The following IKZF2 variants were observed in gnomAD, a reference collection of about 807,000 sequenced individuals.
IKZF2 encodes the protein IKAROS family zinc finger 2.
IKZF2 carries 15 observed loss-of-function variants against 49.2 expected under a neutral mutation model. The observed-to-expected ratio is 0.30, with a 90% CI of 0.20 to 0.47. The LOEUF (loss-of-function observed/expected upper bound fraction) is 0.47, where lower values mean the gene tolerates loss of function less well. Among genes scored for constraint, IKZF2 ranks in the 20% least tolerant of loss-of-function variants. The pLI, the probability that IKZF2 is intolerant of heterozygous loss-of-function variation, is 1.00. For synonymous variants in IKZF2, 227 were observed against 221.4 expected, an observed-to-expected ratio of 1.03 and a Z score of -0.23; for missense variants, 567 against 664.6, an observed-to-expected ratio of 0.85 and a Z score of 1.61.
intron 5 of IKZF2, among the ~76,000 whole-genome samples, chr2:213,054,137 T>G (rs1700931043): frequency 6.6e-6 from 1 of 151,754 alleles, no homozygotes; most frequent in African/African-American, 2.4e-5. Flanking sequence ...CCAGCTACTT[T>G]GGAGGCTGAG....
chr2:213,097,432 A>AT (rs1419812251), intron 4 of IKZF2, among the ~76,000 whole-genome samples: 4 of 151,982 alleles, frequency 2.6e-5, no homozygotes, highest in Non-Finnish European at 5.9e-5. Flanking sequence ...TCTCTGGGCT[A>AT]TTTTTTCCCC....
chr2:213,089,510 A>T (rs1243179318), intron 4 of IKZF2, among the ~76,000 whole-genome samples: 3 of 152,076 alleles, frequency 2.0e-5, no homozygotes, highest in Non-Finnish European at 2.9e-5. Context: ...CTGTAACCAA[A>T]CCAAACTGGT....
intron 4 of IKZF2, among the ~76,000 whole-genome samples, chr2:213,136,709 T>C (rs986428248): frequency 1.3e-5 from 2 of 152,196 alleles, no homozygotes; most frequent in Non-Finnish European, 2.9e-5. Flanking sequence ...ATTTATTTTT[T>C]GTAAGAGACT....
intron 4 of IKZF2, among the ~76,000 whole-genome samples, chr2:213,120,510 A>C (rs1237824998): frequency 6.6e-6 from 1 of 152,234 alleles, no homozygotes; most frequent in African/African-American, 2.4e-5. Context: ...TCAGGAGATG[A>C]AGACAAAAAG....
intron 4 of IKZF2, among the ~76,000 whole-genome samples, chr2:213,059,116 T>C (rs1053794539): frequency 6.6e-6 from 1 of 151,812 alleles, no homozygotes; most frequent in Non-Finnish European, 1.5e-5. Context: ...ATTTTAAAAT[T>C]ATGAGTGAAG....
At chr2:213,133,759 A>G (rs2060558382) in intron 4 of IKZF2, among the ~76,000 whole-genome samples, 1 of 151,708 alleles carries the variant, frequency 6.6e-6, no homozygotes, top group African/African-American at 2.4e-5. Flanking sequence ...TTTTCCAGTA[A>G]TGCTAAGTAC....
At chr2:213,115,233 A>G (rs2059832302) in intron 4 of IKZF2, among the ~76,000 whole-genome samples, 1 of 152,092 alleles carries the variant, frequency 6.6e-6, no homozygotes, top group Non-Finnish European at 1.5e-5. Flanking sequence ...CTGGTCTAAG[A>G]AAATAGTATC....
chr2:213,013,845 T>C lies in IKZF2; in HGVS notation c.802A>G (p.Lys268Glu), dbSNP rs1375644463. ...CGTTTTCCCATATTCCCCGTGAGCT[T>C]CTCTATGACAGCAGGTCTCTCAAAA... is the stretch of plus-strand genomic sequence containing the variant. ...VPFERPAVIE[K>E]LTGNMGKRKS... The change falls in exon 8 of 9, where the codon AAG becomes GAG. Residue 268 changes from lysine to glutamate, a missense_variant. Transcript: ENST00000434687. The C allele has an allele frequency of 6.2e-7, 1 of 1,612,066 alleles. No homozygotes were observed. The highest frequency in any genetic ancestry group is 2.2e-5 in the East Asian group (1 of 44,828).
At chr2:213,100,051 T>C (rs1706475283) in intron 4 of IKZF2, among the ~76,000 whole-genome samples, 1 of 152,138 alleles carries the variant, frequency 6.6e-6, no homozygotes, top group Non-Finnish European at 1.5e-5. Context: ...ATGTATGGCA[T>C]TTAAGCTAAC....
intron 4 of IKZF2, among the ~76,000 whole-genome samples, chr2:213,139,208 T>A (rs940409049): frequency 2.0e-5 from 3 of 151,886 alleles, no homozygotes; most frequent in African/African-American, 7.2e-5. Flanking sequence ...ACAGACTGAA[T>A]CTGGGGGATT....
At chr2:213,116,391 T>C (rs4673726) in intron 4 of IKZF2, among the ~76,000 whole-genome samples, 56,812 of 152,122 alleles carry the variant, frequency 0.37, 13,233 homozygotes, top group East Asian at 0.73. Context: ...AAGTGAATTA[T>C]ATGCAAAGCA....
intron 4 of IKZF2, among the ~76,000 whole-genome samples, chr2:213,074,548 G>GT (rs1374462041): frequency 2.0e-5 from 3 of 152,140 alleles, no homozygotes; most frequent in African/African-American, 7.2e-5. Flanking sequence ...ACATATTTAT[G>GT]TCAAATATTA....
At chr2:213,045,556 A>G (rs1419763327) in intron 6 of IKZF2, among the ~76,000 whole-genome samples, 1 of 152,198 alleles carries the variant, frequency 6.6e-6, no homozygotes, top group East Asian at 1.9e-4. Flanking sequence ...GGAATATTAT[A>G]TTCATGACAT....
chr2:213,018,522 C>CA lies in IKZF2; in HGVS notation c.712+3470dup, dbSNP rs528048778. 1.1e-4 allele frequency among the ~76,000 whole-genome samples: 17 copies of CA among 152,194 alleles called. 1 individual carries two copies. In the South Asian group the frequency reaches 3.3e-3, roughly 30 times the overall value. Reference sequence around the variant, plus strand: ...TGTCATTTCCAGTCTCTCCTCACACCATACCCCCTGCCCCAGGTAGGCATT... The same window carrying CA: ...TGTCATTTCCAGTCTCTCCTCACACCAATACCCCCTGCCCCAGGTAGGCATT... On this transcript the variant is annotated intron_variant, in intron 7 of 8. Coordinates refer to ENST00000434687, the MANE Select transcript of IKZF2 (RefSeq NM_001387220.1).
chr2:213,077,143 A>AT (rs1703360660), intron 4 of IKZF2, among the ~76,000 whole-genome samples: 1 of 152,194 alleles, frequency 6.6e-6, no homozygotes, highest in Admixed American at 6.5e-5. Context: ...TATTTTAAGG[A>AT]TTTTCTAGTG....
chr2:213,042,190 TAAA>T (rs2125276026), intron 6 of IKZF2, among the ~76,000 whole-genome samples: 1 of 149,196 alleles, frequency 6.7e-6, no homozygotes, highest in East Asian at 2.0e-4. Flanking sequence ...CTTTATAGAA[TAAA>T]CATACGAGCT....
chr2:213,151,668 C>A (rs889745949), upstream of IKZF2: 5 of 150,296 alleles, frequency 3.3e-5, no homozygotes, highest in South Asian at 1.8e-4. Flanking sequence ...GAGCACATCT[C>A]CCCCGCCGGC....
chr2:213,038,854 G>C (rs899599343), intron 6 of IKZF2, among the ~76,000 whole-genome samples: 1 of 152,086 alleles, frequency 6.6e-6, no homozygotes, highest in Non-Finnish European at 1.5e-5. Flanking sequence ...TCCTTAGTAA[G>C]AGACAACAAT....
At chr2:213,107,942 T>C (rs16849743) in intron 4 of IKZF2, among the ~76,000 whole-genome samples, 3,846 of 152,238 alleles carry the variant, frequency 0.025, 81 homozygotes, top group African/African-American at 0.059. Context: ...TCGAAAGCTA[T>C]GATTAAGTGA....
Sources: gnomAD v4.1 joint callset for allele counts (sites outside exome capture counted in the v4.1 genomes callset) on GRCh38, gnomAD v4.1.1 for gene constraint, MANE v1.5 for transcripts, NCBI Gene and HGNC (gene_info 2026-07-23, HGNC 2026-07-21) for gene names.